Variants in CADM2 observed in about 807,000 individuals in gnomAD.
The protein encoded by CADM2 is immunoglobulin superfamily member 4D.
A neutral mutation model predicts 49.8 loss-of-function variants in CADM2; 12 were observed. The observed-to-expected ratio is 0.24, with a 90% CI of 0.15 to 0.39. The LOEUF (loss-of-function observed/expected upper bound fraction) is 0.39. Among genes scored for constraint, CADM2 ranks in the 10% least tolerant of loss-of-function variants. The pLI is 1.00. For synonymous variants in CADM2, 214 were observed against 175.4 expected, an observed-to-expected ratio of 1.22 and a Z score of -1.74; for missense variants, 378 against 492.3, an observed-to-expected ratio of 0.77 and a Z score of 2.20.
chr3:85,606,653 A>G (rs147630146), intron 1 of CADM2, among the ~76,000 whole-genome samples: 26 of 152,296 alleles, frequency 1.7e-4, no homozygotes, highest in African/African-American at 6.0e-4. Context: ...AGGGTGATCA[A>G]TGAAGACTTC....
intron 1 of CADM2, among the ~76,000 whole-genome samples, chr3:85,529,767 G>A (rs553309206): frequency 2.6e-5 from 4 of 152,052 alleles, no homozygotes; most frequent in African/African-American, 9.6e-5. Context: ...TCTGGGTGCA[G>A]TTTTATTCCT....
chr3:85,784,821 CCCT>C (rs552855360), intron 2 of CADM2, among the ~76,000 whole-genome samples: 33 of 152,162 alleles, frequency 2.2e-4, no homozygotes, highest in African/African-American at 7.7e-4. Context: ...TGGAAGTATT[CCCT>C]CCTCCTTGAT....
At chr3:86,013,726 T>G in intron 8 of CADM2, 1 of 1,595,506 alleles carries the variant, frequency 6.3e-7, no homozygotes, top group Non-Finnish European at 8.6e-7. Flanking sequence ...TTTATAGGTT[T>G]TCTGCCTTAT....
chr3:85,497,049 A>G (rs1250446220), intron 1 of CADM2, among the ~76,000 whole-genome samples: 1 of 151,946 alleles, frequency 6.6e-6, no homozygotes, highest in Non-Finnish European at 1.5e-5. Context: ...GGATTTCACC[A>G]TGTTGGCCAG....
At position 85,529,230 on chromosome 3, in the gene CADM2, G is replaced by C. The variant is rs564653638; in HGVS notation, c.62-197292G>C. Among the ~76,000 whole-genome samples, 3 of 152,294 alleles carry C rather than the reference G, an allele frequency of 2.0e-5. No individual in the cohort carries two copies. In the South Asian group the frequency reaches 6.2e-4, roughly 32 times the overall value. The stretch of plus-strand genomic sequence containing the variant: ...CTGACTGAATTGCACTCTATACCTA[G>C]CTGACTAGAAAGGTATTTTGAGCAC... On this transcript the variant is annotated intron_variant, in intron 1 of 9. Coordinates refer to ENST00000383699, the MANE Select transcript of CADM2 (RefSeq NM_001167675.2).
intron 3 of CADM2, among the ~76,000 whole-genome samples, chr3:85,877,684 G>GTTTTTTTTTTTTTTTTTTTT (rs368101272): frequency 8.9e-6 from 1 of 112,024 alleles, no homozygotes; most frequent in Non-Finnish European, 1.8e-5. Context: ...TTTTTCTTCT[G>GTTTTTTTTTTTTTTTTTTTT]TTTTTTTTTT....
chr3:85,405,761 TTGTCACATAGGTAAACATG>T (rs1250432842), intron 1 of CADM2, among the ~76,000 whole-genome samples: 7 of 151,998 alleles, frequency 4.6e-5, no homozygotes, highest in African/African-American at 1.2e-4. Flanking sequence ...ATGTGCAGGT[TTGTCACATAGGTAAACATG>T]TGCCATAGTG....
chr3:85,908,254 C>G (rs370761498), intron 5 of CADM2, among the ~76,000 whole-genome samples: 3 of 65,776 alleles, frequency 4.6e-5, no homozygotes, highest in African/African-American at 1.7e-4. Flanking sequence ...TTTTTTTCTT[C>G]TTTTTTTTTT....
chr3:85,353,392 C>T (rs1365536553), intron 1 of CADM2, among the ~76,000 whole-genome samples: 4 of 152,016 alleles, frequency 2.6e-5, no homozygotes, highest in Non-Finnish European at 5.9e-5. Context: ...TTTGTTCTTG[C>T]CCCTTAAAAT....
chr3:85,312,137 G>A (rs2044359660), intron 1 of CADM2, among the ~76,000 whole-genome samples: 1 of 151,914 alleles, frequency 6.6e-6, no homozygotes, highest in South Asian at 2.1e-4. Context: ...CTGACCTTCA[G>A]CTTTGAAATT....
chr3:85,109,265 G>A (rs1304310921), intron 1 of CADM2, among the ~76,000 whole-genome samples: 2 of 151,676 alleles, frequency 1.3e-5, no homozygotes, highest in Admixed American at 6.6e-5. Flanking sequence ...TGCTAACGAG[G>A]GTGTCCATAA....
At chr3:85,352,442 A>G (rs892836734) in intron 1 of CADM2, among the ~76,000 whole-genome samples, 1 of 152,086 alleles carries the variant, frequency 6.6e-6, no homozygotes, top group African/African-American at 2.4e-5. Flanking sequence ...AAAACCAGCT[A>G]ATTTATTTTA....
chr3:85,061,016 G>A (rs2036288389), intron 1 of CADM2, among the ~76,000 whole-genome samples: 1 of 152,032 alleles, frequency 6.6e-6, no homozygotes, highest in Non-Finnish European at 1.5e-5. Flanking sequence ...AGATGCTGAA[G>A]AACTGTTAAT....
intron 1 of CADM2, among the ~76,000 whole-genome samples, chr3:85,007,290 A>AT (rs912600546): frequency 1.3e-5 from 2 of 152,102 alleles, no homozygotes; most frequent in African/African-American, 4.8e-5. Context: ...GAGGTCAGCA[A>AT]TTTTTTCTGT....
chr3:85,976,710 A>G (rs1294364016), intron 8 of CADM2, among the ~76,000 whole-genome samples: 2 of 151,596 alleles, frequency 1.3e-5, no homozygotes, highest in Non-Finnish European at 3.0e-5. Context: ...TCATTTTGGC[A>G]CTTTCCACCA....
At chr3:85,139,372 G>C (rs1462686833) in intron 1 of CADM2, among the ~76,000 whole-genome samples, 2 of 151,938 alleles carry the variant, frequency 1.3e-5, no homozygotes, top group African/African-American at 2.4e-5. Context: ...ATTCAAGTTT[G>C]TGAGAAGTTT....
At chr3:85,756,262 G>A (rs963485426) in intron 2 of CADM2, among the ~76,000 whole-genome samples, 42 of 151,974 alleles carry the variant, frequency 2.8e-4, no homozygotes, top group South Asian at 1.0e-3. Flanking sequence ...GCAAGGGCTC[G>A]AATAATGTCA....
chr3:85,798,592 T>C (rs2071774758), intron 2 of CADM2, among the ~76,000 whole-genome samples: 1 of 152,228 alleles, frequency 6.6e-6, no homozygotes, highest in Admixed American at 6.5e-5. Flanking sequence ...TGTGTGGCAT[T>C]ATTTCTGAGG....
chr3:85,654,196 A>C (rs2065132680), intron 1 of CADM2, among the ~76,000 whole-genome samples: 1 of 152,232 alleles, frequency 6.6e-6, no homozygotes, highest in Non-Finnish European at 1.5e-5. Context: ...TGGAGGGAAA[A>C]ATAGGTCAGG....
Sources: allele counts gnomAD v4.1 joint callset (sites outside exome capture counted in the v4.1 genomes callset), GRCh38; gene constraint gnomAD v4.1.1; transcripts MANE v1.5; gene names NCBI Gene and HGNC (gene_info 2026-07-23, HGNC 2026-07-21).